PAK1: variants seen among roughly 807,000 people sequenced by gnomAD.
PAK1 encodes the protein serine/threonine-protein kinase PAK 1.
A neutral mutation model predicts 67.4 loss-of-function variants in PAK1; 29 were observed. That is an observed-to-expected ratio of 0.43 (90% CI 0.32 to 0.59). The LOEUF (loss-of-function observed/expected upper bound fraction) is 0.59. Among genes scored for constraint, PAK1 ranks in the 20% least tolerant of loss-of-function variants. PAK1 has a pLI of 0.07. For missense variants in PAK1, 337 were observed against 670.7 expected, an observed-to-expected ratio of 0.50 and a Z score of 5.50; for synonymous variants, 223 against 237.4, an observed-to-expected ratio of 0.94 and a Z score of 0.56.
At chr11:77,340,037 C>T (rs1047716322) in intron 11 of PAK1, among the ~76,000 whole-genome samples, 3 of 152,106 alleles carry the variant, frequency 2.0e-5, no homozygotes, top group African/African-American at 4.8e-5. Flanking sequence ...CCTACATCAG[C>T]GTATTATCAA....
intron 1 of PAK1, among the ~76,000 whole-genome samples, chr11:77,403,501 A>G (rs1952997090): frequency 6.6e-6 from 1 of 152,208 alleles, no homozygotes; most frequent in African/African-American, 2.4e-5. Context: ...TTGCTCAAGA[A>G]TTTCCACTAC....
the PAK1 span, among the ~76,000 whole-genome samples, chr11:77,482,589 CTTTT>C: frequency 7.3e-6 from 1 of 137,712 alleles, no homozygotes; most frequent in South Asian, 2.6e-4. Flanking sequence ...TTCCCTCACT[CTTTT>C]TTTCTTTTTT....
At chr11:77,350,363 G>A (rs1945067910) in intron 8 of PAK1, among the ~76,000 whole-genome samples, 1 of 152,176 alleles carries the variant, frequency 6.6e-6, no homozygotes, top group African/African-American at 2.4e-5. Flanking sequence ...GTACACATAT[G>A]TATGTTAAGT....
At chr11:77,502,612 T>G in the PAK1 span, among the ~76,000 whole-genome samples, 1 of 152,208 alleles carries the variant, frequency 6.6e-6, no homozygotes, top group Non-Finnish European at 1.5e-5. Flanking sequence ...GGAAGAGACC[T>G]GCCCTGAAGT....
At chr11:77,453,664 G>C (rs1412897690) in intron 1 of PAK1, among the ~76,000 whole-genome samples, 1 of 152,194 alleles carries the variant, frequency 6.6e-6, no homozygotes, top group Non-Finnish European at 1.5e-5. Flanking sequence ...TTAGTTATAA[G>C]AGCAAAAGGA....
At chr11:77,378,322 C>G (rs1949366180) in intron 4 of PAK1, among the ~76,000 whole-genome samples, 1 of 152,076 alleles carries the variant, frequency 6.6e-6, no homozygotes, top group Non-Finnish European at 1.5e-5. Context: ...ATTAGGAGAC[C>G]TGGGTTCTAA....
chr11:77,400,583 T>G (rs779689863), intron 1 of PAK1, among the ~76,000 whole-genome samples: 2 of 152,184 alleles, frequency 1.3e-5, no homozygotes, highest in African/African-American at 2.4e-5. Flanking sequence ...TGGTGCTTAG[T>G]CCAAGTCACA....
intron 1 of PAK1, among the ~76,000 whole-genome samples, chr11:77,400,125 A>G (rs963437004): frequency 2.0e-5 from 3 of 151,452 alleles, no homozygotes; most frequent in African/African-American, 7.3e-5. Context: ...AGGTCCAGGC[A>G]TTAGTATATA....
At chr11:77,467,343 T>C (rs939339418) in intron 1 of PAK1, among the ~76,000 whole-genome samples, 2 of 152,190 alleles carry the variant, frequency 1.3e-5, no homozygotes, top group African/African-American at 2.4e-5. Flanking sequence ...CTCAATGTAG[T>C]GTAATTGTCT....
intron 1 of PAK1, among the ~76,000 whole-genome samples, chr11:77,422,006 T>C (rs761856715): frequency 1.1e-4 from 16 of 152,344 alleles, no homozygotes; most frequent in Admixed American, 8.5e-4. Flanking sequence ...ACCACTTCTA[T>C]GAAGGCTTCC....
chr11:77,379,403 T>C lies in PAK1; in HGVS notation c.292-15A>G, dbSNP rs1413170779. The C allele has an allele frequency of 7.5e-6, 12 of 1,607,218 alleles. No homozygotes were observed. Among genetic ancestry groups the C allele is most frequent in the African/African-American group, 1.3e-5 (1 of 74,660 alleles). On this transcript the variant is annotated splice_polypyrimidine_tract_variant and intron_variant, in intron 3 of 14. Coordinates refer to ENST00000356341, the MANE Select transcript of PAK1 (RefSeq NM_002576.5). ...TCTGGCATTCCCTGTAAGAGAGACA[T>C]GCAAGACTAACAGGAAGGCACAGTC...
At chr11:77,385,832 C>T (rs888396117) in intron 2 of PAK1, among the ~76,000 whole-genome samples, 4 of 151,776 alleles carry the variant, frequency 2.6e-5, no homozygotes, top group Non-Finnish European at 4.4e-5. Flanking sequence ...CACTCTAGCC[C>T]GGACAACAGA....
chr11:77,379,136 T>A, intron 4 of PAK1, 105 bp downstream of exon 4: 1 of 983,026 alleles, frequency 1.0e-6, no homozygotes, highest in Non-Finnish European at 1.5e-6. Context: ...ACTTCCACTC[T>A]TTCCACTACT....
At chr11:77,482,147 C>A in the PAK1 span, among the ~76,000 whole-genome samples, 1 of 152,006 alleles carries the variant, frequency 6.6e-6, no homozygotes, top group Non-Finnish European at 1.5e-5. Context: ...CCCCACCACG[C>A]CCAGTTAATT....
At chr11:77,522,434 C>A in the PAK1 span, among the ~76,000 whole-genome samples, 4 of 152,158 alleles carry the variant, frequency 2.6e-5, no homozygotes, top group African/African-American at 9.7e-5. Context: ...CCAGTCAAAG[C>A]CTTAGTAAGA....
intron 1 of PAK1, among the ~76,000 whole-genome samples, chr11:77,440,098 T>C (rs1183135962): frequency 1.3e-5 from 2 of 152,216 alleles, no homozygotes. Flanking sequence ...GAGCCAAGTG[T>C]AAAATGTACC....
At chr11:77,507,714 T>TG in the PAK1 span, among the ~76,000 whole-genome samples, 1,718 of 152,106 alleles carry the variant, frequency 0.011, 17 homozygotes, top group Non-Finnish European at 0.017. Flanking sequence ...TTTATAGAGA[T>TG]GGGGTCTCCC....
intron 14 of PAK1, among the ~76,000 whole-genome samples, chr11:77,329,549 T>A (rs1053798346): frequency 6.6e-6 from 1 of 152,138 alleles, no homozygotes; most frequent in African/African-American, 2.4e-5. Context: ...ATTATCTCAA[T>A]AGATGCAGAA....
intron 1 of PAK1, among the ~76,000 whole-genome samples, chr11:77,429,981 A>G (rs1565697266): frequency 6.6e-6 from 1 of 152,202 alleles, no homozygotes; most frequent in Non-Finnish European, 1.5e-5. Context: ...AAATTATTTT[A>G]ATAAAAACAA....
Sources: allele counts gnomAD v4.1 joint callset (sites outside exome capture counted in the v4.1 genomes callset), GRCh38; gene constraint gnomAD v4.1.1; transcripts MANE v1.5; gene names NCBI Gene and HGNC (gene_info 2026-07-23, HGNC 2026-07-21).